IQSEC2: variants seen among roughly 807,000 people sequenced by gnomAD.
The protein encoded by IQSEC2 is IQ motif and SEC7 domain-containing protein 2.
In IQSEC2, 6 loss-of-function variants were observed where a neutral mutation model predicts 74.6. The ratio of observed to expected loss-of-function variants is 0.08; its 90% CI spans 0.04 to 0.16. The LOEUF is 0.16. Among genes scored for constraint, IQSEC2 ranks in the 10% least tolerant of loss-of-function variants. The pLI is 1.00. For synonymous variants in IQSEC2, 494 were observed against 544.5 expected (o/e 0.91, Z 1.29); for missense variants, 734 against 1,306.2 (o/e 0.56, Z 6.75).
rs1556863238 is a variant in IQSEC2, at chrX:53,250,750, C to T, written c.1826G>A (p.Arg609His). Residue 609 changes from arginine (R) to histidine (H), a missense_variant, in exon 5 of 15, where the codon CGC becomes CAC. Transcript: ENST00000642864. ...PSDSSVDLSD[R>H]SDRGSVHRQL... ...GCGGTGGACAGAGCCGCGATCTGAG[C>T]GGTCACTCAGGTCCACGGAGCTGTC... 2 of 1,209,586 alleles carry T rather than the reference C, an allele frequency of 1.7e-6. No individual in the cohort carries two copies. Among genetic ancestry groups the T allele is most frequent in the Non-Finnish European group, 2.2e-6 (2 of 894,801 alleles).
In IQSEC2 at chrX:53,250,831, C is replaced by T. The variant is rs369172518; in HGVS notation, c.1745G>A (p.Arg582Gln). Reference protein sequence around the residue: ...TRRGPGCLECRDFRLRAAHLP... With the variant: ...TRRGPGCLECQDFRLRAAHLP... The stretch of plus-strand genomic sequence containing the variant: ...GTGGGCAGCCCGCAGCCGGAAATCC[C>T]GGCACTCCAAGCACCCGGGACCCCT... Residue 582 changes from arginine (R) to glutamine (Q), a missense_variant, in exon 5 of 15, where the codon CGG becomes CAG. Arg to Gln is a conservative substitution (Grantham distance 43). Transcript: ENST00000642864. 1 of 1,209,088 alleles carries T rather than the reference C, an allele frequency of 8.3e-7. No individual in the cohort carries two copies. The highest frequency in any genetic ancestry group is 1.1e-6 in the Non-Finnish European group (1 of 893,847).
intron 2 of IQSEC2, among the ~76,000 whole-genome samples, chrX:53,259,418 T>C (rs2074532719): frequency 1.8e-5 from 2 of 108,891 alleles, no homozygotes; most frequent in Admixed American, 2.0e-4. Context: ...GGCACGAGAA[T>C]CGCTTGAACC....
At chrX:53,258,681 C>A (rs782394049) in intron 2 of IQSEC2, among the ~76,000 whole-genome samples, 1 of 108,983 alleles carries the variant, frequency 9.2e-6, no homozygotes, top group Non-Finnish European at 1.9e-5. Flanking sequence ...ATGGCGAAAA[C>A]CCGTCTCTAA....
intron 4 of IQSEC2, among the ~76,000 whole-genome samples, chrX:53,252,705 G>A (rs1602288312): frequency 8.9e-6 from 1 of 112,251 alleles, no homozygotes; most frequent in Admixed American, 9.4e-5. Flanking sequence ...ACTCAGCCAT[G>A]CCATTCCCAG....
At chrX:53,262,706 G>T (rs2074587499) in intron 2 of IQSEC2, among the ~76,000 whole-genome samples, 1 of 112,504 alleles carries the variant, frequency 8.9e-6, no homozygotes, top group South Asian at 3.7e-4. Flanking sequence ...CTAAGCCCTA[G>T]CCCAGCCTGG....
rs1003290777 is a variant in IQSEC2 at position 53,284,693 on chromosome X, C to T, written c.737+7202G>A. On this transcript the variant is annotated intron_variant, in intron 2 of 14. Transcript: ENST00000642864. ...CCTGCTGCCCCTTCTCTGTCGGGAGCTCTGTGAGAGCTGTGTCTTGTTCAT... is the reference window on the plus strand; with the variant it reads ...CCTGCTGCCCCTTCTCTGTCGGGAGTTCTGTGAGAGCTGTGTCTTGTTCAT... Among the ~76,000 whole-genome samples the T allele has an allele frequency of 3.6e-5, 4 of 111,862 alleles. No individual in the cohort carries two copies. In the East Asian group the frequency reaches 1.1e-3, roughly 31 times the overall value.
chrX:53,258,002 C>T (rs1457417034), intron 2 of IQSEC2, among the ~76,000 whole-genome samples: 1 of 111,658 alleles, frequency 9.0e-6, no homozygotes, highest in East Asian at 2.8e-4. Context: ...CTGCCAGCCC[C>T]CTATTCCATC....
At chrX:53,285,801 A>T (rs1043536811) in intron 2 of IQSEC2, among the ~76,000 whole-genome samples, 8 of 112,782 alleles carry the variant, frequency 7.1e-5, no homozygotes, top group Admixed American at 2.8e-4. Context: ...GGAAGCCCCT[A>T]GTCTCGGCCA....
At chrX:53,307,824 A>C (rs782588376) in intron 1 of IQSEC2, among the ~76,000 whole-genome samples, 2 of 104,750 alleles carry the variant, frequency 1.9e-5, no homozygotes, top group East Asian at 6.1e-4. Flanking sequence ...AATCACTTGA[A>C]TCCAGCAGGT....
At chrX:53,276,079 C>G (rs1016949421) in intron 2 of IQSEC2, among the ~76,000 whole-genome samples, 2 of 111,351 alleles carry the variant, frequency 1.8e-5, no homozygotes, top group African/African-American at 6.5e-5. Flanking sequence ...TCCAATCACT[C>G]AAATCCCAAA....
intron 2 of IQSEC2, among the ~76,000 whole-genome samples, chrX:53,290,474 G>A (rs782757199): frequency 5.4e-5 from 6 of 111,899 alleles, no homozygotes; most frequent in South Asian, 3.8e-4. Context: ...CAGGAGCCCC[G>A]TGCTCGGGTG....
At chrX:53,314,733 C>T (rs1432548154) in intron 1 of IQSEC2, among the ~76,000 whole-genome samples, 11 of 111,816 alleles carry the variant, frequency 9.8e-5, no homozygotes, top group Admixed American at 6.6e-4. Context: ...GCAGGGCAGG[C>T]GGAGGAGTTC....
rs781960449 is a variant in IQSEC2, at chrX:53,308,291, G to A, written c.707+12126C>T. On this transcript the variant is annotated intron_variant, in intron 1 of 14. Transcript: ENST00000642864. ...TGCTGGTTACCTAGGTGTTTGGTTT[G>A]TAAAAAGTGACTATATCACTTGTGA... Among the ~76,000 whole-genome samples the A allele has an allele frequency of 4.6e-5, 5 of 108,618 alleles. No individual in the cohort carries two copies. The East Asian group carries it at 1.4e-3, about 31-fold the overall frequency. 94.3% of individuals were successfully genotyped at this position (108,618 alleles called of 115,157 possible). A position where few individuals can be genotyped will look rare whatever the true frequency, so the allele number is the denominator to read the frequency against.
intron 4 of IQSEC2, 94 bp from the exon 5 acceptor site, chrX:53,251,268 A>ACCCC: frequency 3.4e-6 from 3 of 871,203 alleles, no homozygotes; most frequent in Non-Finnish European, 4.9e-6. Context: ...GGAGGGAGGT[A>ACCCC]AGGAAAAAGG....
chrX:53,268,814 A>G (rs1312515108), intron 2 of IQSEC2, among the ~76,000 whole-genome samples: 1 of 112,166 alleles, frequency 8.9e-6, no homozygotes, highest in African/African-American at 3.2e-5. Flanking sequence ...GACGGACCTG[A>G]GTTTCAATAC....
At chrX:53,317,648 C>T (rs782560994) in intron 1 of IQSEC2, among the ~76,000 whole-genome samples, 2 of 112,163 alleles carry the variant, frequency 1.8e-5, no homozygotes, top group Admixed American at 1.9e-4. Flanking sequence ...CCACTCTCCC[C>T]TCTTCCTCCA....
chrX:53,260,043 T>TG (rs1382133578), intron 2 of IQSEC2, among the ~76,000 whole-genome samples: 59 of 111,515 alleles, frequency 5.3e-4, no homozygotes, highest in Admixed American at 1.9e-4. Flanking sequence ...GGTCTCATTA[T>TG]GGGGGGCACA....
At chrX:53,293,231 T>C (rs782122017) in intron 1 of IQSEC2, among the ~76,000 whole-genome samples, 1 of 112,087 alleles carries the variant, frequency 8.9e-6, no homozygotes, top group African/African-American at 3.2e-5. Flanking sequence ...TCACAAGCCA[T>C]GGAATCCTAG....
chrX:53,261,083 G>A (rs1023600888), intron 2 of IQSEC2, among the ~76,000 whole-genome samples: 10 of 111,211 alleles, frequency 9.0e-5, no homozygotes, highest in African/African-American at 3.3e-4. Context: ...AAAGGAGGGT[G>A]CTTGACGGCG....
Sources: gnomAD v4.1 joint callset for allele counts (sites outside exome capture counted in the v4.1 genomes callset) on GRCh38, gnomAD v4.1.1 for gene constraint, MANE v1.5 for transcripts, NCBI Gene and HGNC (gene_info 2026-07-23, HGNC 2026-07-21) for gene names.